The following SLF2 variants were observed in gnomAD, a reference collection of about 807,000 sequenced individuals.
SLF2 encodes SMC5-SMC6 complex localization factor protein 2.
In SLF2, 68 loss-of-function variants were observed where a neutral mutation model predicts 124.3. The observed-to-expected ratio is 0.55, with a 90% CI of 0.45 to 0.67. The LOEUF is 0.67. SLF2 is among the 30% of genes least tolerant of loss of function. The pLI, the probability that SLF2 is intolerant of heterozygous loss-of-function variation, is 0.00. For missense variants in SLF2, 1,246 were observed against 1,373.7 expected (o/e 0.91, Z 1.47); for synonymous variants, 480 against 478.8 (o/e 1.00, Z -0.03).
intron 16 of SLF2, 56 bp downstream of exon 16, chr10:100,950,263 T>G (rs901049420): frequency 5.2e-6 from 8 of 1,544,040 alleles, no homozygotes; most frequent in Non-Finnish European, 7.0e-6. Flanking sequence ...GTTATCAGCT[T>G]ACTAACCATA....
chr10:100,954,108 T>C (rs1850279915), intron 17 of SLF2, among the ~76,000 whole-genome samples: 1 of 151,028 alleles, frequency 6.6e-6, no homozygotes, highest in Non-Finnish European at 1.5e-5. Context: ...AAAAAAAAAA[T>C]TAACCGGGCA....
In SLF2 at chr10:100,920,402, G is replaced by T. The variant is rs72842137; in HGVS notation, c.973+1961G>T. Among the ~76,000 whole-genome samples the T allele has an allele frequency of 6.8e-3, 1,030 of 152,226 alleles. 6 individuals are homozygous for T. Among genetic ancestry groups the T allele is most frequent in the Middle Eastern group, 0.024 (7 of 294 alleles). The stretch of plus-strand genomic sequence containing the variant: ...TATAATCCCACCTAGCAAAGTTTTT[G>T]AGTACTGCTTGGAAAAGATGCTTTC... On this transcript the variant is annotated intron_variant, in intron 4 of 19. Transcript: ENST00000238961.
intron 8 of SLF2, among the ~76,000 whole-genome samples, chr10:100,930,469 A>G (rs1309270290): frequency 6.6e-6 from 1 of 152,172 alleles, no homozygotes; most frequent in African/African-American, 2.4e-5. Context: ...ATATGACCAC[A>G]CTTGGCCACA....
intron 2 of SLF2, 58 bp from the exon 3 acceptor site, chr10:100,916,512 A>AT (rs1402844181): frequency 8.4e-6 from 10 of 1,189,608 alleles, no homozygotes; most frequent in African/African-American, 1.6e-5. Flanking sequence ...AATAATTTAG[A>AT]TAAATATTAA....
chr10:100,921,115 T>C (rs1471008038), intron 4 of SLF2, among the ~76,000 whole-genome samples: 1 of 152,254 alleles, frequency 6.6e-6, no homozygotes, highest in East Asian at 1.9e-4. Flanking sequence ...AGCCCTTTGG[T>C]CTTCTAGAGC....
At chr10:100,951,824 G>C (rs1165112864) in intron 17 of SLF2, among the ~76,000 whole-genome samples, 1 of 152,218 alleles carries the variant, frequency 6.6e-6, no homozygotes, top group Admixed American at 6.5e-5. Flanking sequence ...AAGGCAGGCT[G>C]CTTTGGAAAT....
chr10:100,953,428 T>C (rs1850261361), intron 17 of SLF2, among the ~76,000 whole-genome samples: 1 of 149,898 alleles, frequency 6.7e-6, no homozygotes, highest in South Asian at 2.1e-4. Context: ...AGCCCAGGAG[T>C]TCAAGAGCAG....
chr10:100,955,393 G>T (rs1206089097), intron 17 of SLF2, among the ~76,000 whole-genome samples: 2 of 152,082 alleles, frequency 1.3e-5, no homozygotes, highest in African/African-American at 4.8e-5. Context: ...TGTTGGAGTG[G>T]AATTTAACCA....
intron 6 of SLF2, among the ~76,000 whole-genome samples, chr10:100,928,068 C>CAAGAGAGAGACAGAGAGAGAGAGA (rs1491324670): frequency 1.7e-5 from 1 of 59,534 alleles, no homozygotes; most frequent in African/African-American, 5.6e-5. Context: ...CACACACACA[C>CAAGAGAGAGACAGAGAGAGAGAGA]GAGAGAGAGA....
chr10:100,945,291 C>A, intron 12 of SLF2, 39 bp from the exon 13 acceptor site: 3 of 1,454,350 alleles, frequency 2.1e-6, no homozygotes, highest in Admixed American at 2.8e-5. Flanking sequence ...TAAAATATAC[C>A]TCCTAAAATA....
intron 17 of SLF2, among the ~76,000 whole-genome samples, chr10:100,955,605 T>A (rs1017697257): frequency 5.3e-5 from 8 of 151,896 alleles, no homozygotes; most frequent in Non-Finnish European, 1.2e-4. Flanking sequence ...ACAAAAAAAA[T>A]TTAAAAATTA....
At chr10:100,920,776 C>T (rs891779192) in intron 4 of SLF2, among the ~76,000 whole-genome samples, 6 of 152,062 alleles carry the variant, frequency 3.9e-5, no homozygotes, top group Non-Finnish European at 7.4e-5. Context: ...ATGGTGAGAC[C>T]TCGTCTCTAC....
intron 11 of SLF2, chr10:100,943,553 C>T (rs1271154683): frequency 1.3e-5 from 2 of 152,224 alleles, no homozygotes; most frequent in Non-Finnish European, 2.9e-5. Flanking sequence ...CACTGATAAC[C>T]TCTGATAACT....
intron 14 of SLF2, among the ~76,000 whole-genome samples, chr10:100,947,509 A>G (rs1443992524): frequency 6.6e-6 from 1 of 152,172 alleles, no homozygotes; most frequent in Non-Finnish European, 1.5e-5. Flanking sequence ...GTTTTCTGTC[A>G]GTAAATCATC....
chr10:100,918,766 G>A (rs1849469226), intron 4 of SLF2, among the ~76,000 whole-genome samples: 2 of 152,208 alleles, frequency 1.3e-5, no homozygotes, highest in South Asian at 4.1e-4. Context: ...TGGGACTACA[G>A]ATGTGGGCAA....
intron 9 of SLF2, among the ~76,000 whole-genome samples, chr10:100,934,179 T>C (rs1264817090): frequency 6.6e-6 from 1 of 152,258 alleles, no homozygotes; most frequent in African/African-American, 2.4e-5. Flanking sequence ...ATGTGTCTTA[T>C]AACTTGTTTA....
chr10:100,929,462 T>G, intron 7 of SLF2, 23 bp downstream of exon 7: 1 of 1,549,118 alleles, frequency 6.5e-7, no homozygotes, highest in Non-Finnish European at 8.7e-7. Flanking sequence ...TCATAATGTA[T>G]TTTACCTTAT....
chr10:100,920,021 G>A (rs1412569641), intron 4 of SLF2, among the ~76,000 whole-genome samples: 1 of 152,192 alleles, frequency 6.6e-6, no homozygotes, highest in South Asian at 2.1e-4. Flanking sequence ...GAACTTCTAG[G>A]ATACAGGAAT....
chr10:100,939,597 G>C (rs1015204192), intron 11 of SLF2, among the ~76,000 whole-genome samples: 28 of 150,664 alleles, frequency 1.9e-4, no homozygotes, highest in Non-Finnish European at 2.7e-4. Flanking sequence ...AGAATCACTT[G>C]AACCCGGGTG....
Sources: allele counts gnomAD v4.1 joint callset (sites outside exome capture counted in the v4.1 genomes callset), GRCh38; gene constraint gnomAD v4.1.1; transcripts MANE v1.5; gene names NCBI Gene and HGNC (gene_info 2026-07-23, HGNC 2026-07-21).